PLCH2: variants seen among roughly 807,000 people sequenced by gnomAD.
The protein encoded by PLCH2 is phospholipase C eta 2.
A neutral mutation model predicts 134.7 loss-of-function variants in PLCH2; 98 were observed. The ratio of observed to expected loss-of-function variants is 0.73; its 90% confidence interval spans 0.62 to 0.86. PLCH2 has a LOEUF of 0.86. PLCH2 is among the 40% of genes least tolerant of loss of function. The probability of loss-of-function intolerance (pLI) is 0.00; values close to 1 mark genes in which losing one functional copy is unlikely to be tolerated. For missense variants in PLCH2, 1,994 were observed against 1,986.6 expected (o/e 1.00, Z -0.07); for synonymous variants, 974 against 827.5 (o/e 1.18, Z -3.04).
intron 1 of PLCH2, among the ~76,000 whole-genome samples, chr1:2,426,500 C>G (rs933132600): frequency 9.2e-5 from 14 of 152,324 alleles, no homozygotes; most frequent in Admixed American, 8.5e-4. Context: ...GCCTTTCCCT[C>G]CGGGTCAGAG....
At chr1:2,441,374 G>T (rs1333473085) in intron 2 of PLCH2, among the ~76,000 whole-genome samples, 1 of 152,244 alleles carries the variant, frequency 6.6e-6, no homozygotes, top group Non-Finnish European at 1.5e-5. Context: ...CCTGCACTGG[G>T]AGGGGCTGAG....
chr1:2,465,804 C>T (rs1274832915), upstream of PLCH2, among the ~76,000 whole-genome samples: 2 of 152,098 alleles, frequency 1.3e-5, no homozygotes, highest in African/African-American at 4.8e-5. Flanking sequence ...TTCCTTAGAA[C>T]CTGAACCTGG....
chr1:2,499,362 A>C, intron 19 of PLCH2, 132 bp downstream of exon 19: 1 of 1,156,154 alleles, frequency 8.6e-7, no homozygotes, highest in Admixed American at 2.2e-5. Context: ...GGAGCTGAGG[A>C]CGGGAGGAGA....
rs2100726155 is a variant in PLCH2, at chr1:2,498,464, A to G, written c.2225-59A>G. 1.3e-6 allele frequency: 2 copies of G among 1,565,724 alleles called. No homozygotes were observed. The highest frequency in any genetic ancestry group is 1.8e-5 in the Admixed American group (1 of 55,982). The stretch of plus-strand genomic sequence containing the variant: ...AGGGGGCTGTTGGCAGCCATGCCCC[A>G]GCAAGCAGGGGGCTTGCTGAGGGCT... On this transcript the variant is annotated intron_variant, in intron 16 of 21. Coordinates refer to ENST00000378486, the MANE Select transcript of PLCH2 (RefSeq NM_014638.4). This position sits in a 1 kb window ranked among gnomAD's most constrained non-coding sequence, Gnocchi z 5.4.
rs753221788 is a variant in PLCH2, at chr1:2,498,784, C to T, written c.2390C>T (p.Pro797Leu). The T allele has an allele frequency of 6.2e-7, 1 of 1,611,590 alleles. No individual in the cohort carries two copies. Among genetic ancestry groups the T allele is most frequent in the Non-Finnish European group, 8.5e-7 (1 of 1,179,224 alleles). Reference protein sequence around the residue: ...PFVEVEIIGLPVDCSREQTRV... With the variant: ...PFVEVEIIGLLVDCSREQTRV... ...GTGGAGGTGGAGATCATTGGGCTCC[C>T]TGTGGACTGCAGCAGGGAGCAGACC... The change falls in exon 18 of 22, where the codon CCT becomes CTT. Residue 797 changes from proline (P) to leucine (L), a missense_variant. By Grantham distance (98) the Pro-to-Leu change is moderately conservative (BLOSUM62 -3). Coordinates refer to ENST00000378486, the MANE Select transcript of PLCH2 (RefSeq NM_014638.4). The surrounding 1 kb of genome is among the most constrained non-coding windows in gnomAD (Gnocchi z 5.4).
rs111549040 is a variant in PLCH2, at chr1:2,504,585, C to A, written c.3623C>A (p.Ala1208Asp). ...AGCAAATCCAACCCCAACCTTCGGG[C>A]TACAGGCCAGCGGCCTCCCATACCT... ...TKSKSNPNLR[A>D]TGQRPPIPDE... The change falls in exon 22 of 22, where the codon GCT becomes GAT. Residue 1208 changes from alanine (A) to aspartate (D), a missense_variant. Physicochemically the swap from Ala to Asp is moderately radical, Grantham distance 126. Transcript: ENST00000378486. 284 of 1,612,784 alleles carry A rather than the reference C, an allele frequency of 1.8e-4. No homozygotes were observed. In the African/African-American group the frequency reaches 3.6e-3, roughly 21 times the overall value.
upstream of PLCH2, chr1:2,467,390 G>A (rs989681517): frequency 1.8e-5 from 7 of 384,756 alleles, no homozygotes; most frequent in Admixed American, 4.5e-5. Flanking sequence ...AAGTGGGCGG[G>A]GCTCCCACGG....
intron 2 of PLCH2, chr1:2,479,451 A>C: frequency 8.2e-6 from 3 of 366,092 alleles, no homozygotes; most frequent in East Asian, 4.9e-5. Flanking sequence ...CCAGCCGGGC[A>C]CTGGGGGCTG....
chr1:2,479,617 G>T (rs1641839098), intron 2 of PLCH2, 117 bp from the exon 3 acceptor site: 12 of 1,060,758 alleles, frequency 1.1e-5, no homozygotes, highest in Non-Finnish European at 1.6e-5. Flanking sequence ...CCTGCCGAGG[G>T]TCCCGCAAAG....
Position 2,434,925 on chromosome 1 carries a change from G to A in PLCH2, c.115+4296G>A, listed in dbSNP as rs974412962. ...CTGCCCAGGAGAGCTGAGCCCGCAC[G>A]GGAAGGCAGGCCCCTAGAAGTGTGT... On this transcript the variant is annotated intron_variant, in intron 2 of 3. Transcript: ENST00000609981. Among the ~76,000 whole-genome samples the A allele has an allele frequency of 4.6e-5, 7 of 152,230 alleles. 1 individual carries two copies. Among genetic ancestry groups the A allele is most frequent in the Non-Finnish European group, 1.0e-4 (7 of 68,042 alleles).
At chr1:2,503,776 C>T (rs1340325937) in intron 21 of PLCH2, 146 bp from the exon 22 acceptor site, 2 of 614,784 alleles carry the variant, frequency 3.3e-6, no homozygotes, top group African/African-American at 1.8e-5. Context: ...GGGGATGCCT[C>T]GGGGTGGGAG....
At chr1:2,496,057 C>A (rs1479181047) in intron 13 of PLCH2, among the ~76,000 whole-genome samples, 1 of 152,008 alleles carries the variant, frequency 6.6e-6, no homozygotes, top group Admixed American at 6.5e-5. Context: ...ACCCTGGGCT[C>A]CCCCCGTGCC....
At chr1:2,472,241 C>T (rs544527277), upstream of PLCH2, among the ~76,000 whole-genome samples, 10 of 152,316 alleles carry the variant, frequency 6.6e-5, no homozygotes, top group South Asian at 1.0e-3. Flanking sequence ...AAATAATCTC[C>T]GCCATATGTG....
chr1:2,497,090 G>C, intron 15 of PLCH2, 80 bp downstream of exon 15: 1 of 1,389,366 alleles, frequency 7.2e-7, no homozygotes, highest in Admixed American at 2.1e-5. Context: ...GGCGAGCAGG[G>C]GACCCGCTGG....
chr1:2,501,930 T>C, intron 20 of PLCH2, 182 bp from the exon 21 acceptor site: 1 of 546,410 alleles, frequency 1.8e-6, no homozygotes, highest in Non-Finnish European at 3.1e-6. Flanking sequence ...AGAGCTGCCC[T>C]AGGGACCCTG....
rs1212506534 is a variant in PLCH2 at position 2,504,921 on chromosome 1, G to C, written c.3959G>C (p.Ser1320Thr). The change falls in exon 22 of 22, where the codon AGC (serine) becomes ACC (threonine). Residue 1320 changes from serine to threonine, a missense_variant. Ser to Thr is a moderately conservative substitution (Grantham distance 58, BLOSUM62 1). This residue lies in a region of PLCH2 where 900 missense variants were observed against 752.3 expected (regional missense o/e 1.20). Transcript: ENST00000378486. Reference sequence around the variant, plus strand: ...GCAGGAGACATCACGTCACCCACCAGCCTGGGCCCGGCTGGGGAGGGGGTG... The same window carrying C: ...GCAGGAGACATCACGTCACCCACCACCCTGGGCCCGGCTGGGGAGGGGGTG... ...QQAGDITSPT[S>T]LGPAGEGVAG... 4 of 1,574,672 alleles carry C rather than the reference G, an allele frequency of 2.5e-6. No individual in the cohort carries two copies. The highest frequency in any genetic ancestry group is 2.6e-6 in the Non-Finnish European group (3 of 1,159,864).
intron 2 of PLCH2, among the ~76,000 whole-genome samples, chr1:2,443,850 C>G (rs1186454299): frequency 6.7e-6 from 1 of 149,714 alleles, no homozygotes; most frequent in South Asian, 2.1e-4. Flanking sequence ...AGCCCCAGCC[C>G]GAGCCCGAGC....
chr1:2,491,428 G>A, intron 11 of PLCH2, 93 bp downstream of exon 11: 1 of 1,314,516 alleles, frequency 7.6e-7, no homozygotes. Context: ...TATGCTCTGT[G>A]CGCACTCACA....
chr1:2,437,565 G>C (rs1464982280), intron 2 of PLCH2, among the ~76,000 whole-genome samples: 2 of 151,980 alleles, frequency 1.3e-5, no homozygotes, highest in African/African-American at 2.4e-5. Context: ...CCCACTCTTT[G>C]CTCCACCCCT....
Sources: gnomAD v4.1 joint callset for allele counts (sites outside exome capture counted in the v4.1 genomes callset) on GRCh38, gnomAD v4.1.1 for gene constraint, gnomAD v4.1.1 regional missense constraint, Gnocchi (gnomAD v3.1) non-coding constraint, MANE v1.5 for transcripts, NCBI Gene and HGNC (gene_info 2026-07-23, HGNC 2026-07-21) for gene names.